MALRD1: variants seen among roughly 807,000 people sequenced by gnomAD.
The protein encoded by MALRD1 is MAM and LDL-receptor class A domain-containing protein 1.
In MALRD1, 247 loss-of-function variants were observed where a neutral mutation model predicts 242.1. The ratio of observed to expected loss-of-function variants is 1.02; its 90% confidence interval spans 0.92 to 1.13. The LOEUF (loss-of-function observed/expected upper bound fraction) is 1.13, where lower values mean the gene tolerates loss of function less well. Ranked by LOEUF, MALRD1 falls within the 50% of genes most tolerant of loss-of-function variation. MALRD1 has a pLI of 0.00. For missense variants in MALRD1, 2,989 were observed against 2,533.1 expected, an observed-to-expected ratio of 1.18 and a Z score of -3.86; for synonymous variants, 995 against 866.6, an observed-to-expected ratio of 1.15 and a Z score of -2.60.
At chr10:19,573,902 C>G (rs189084282) in intron 33 of MALRD1, among the ~76,000 whole-genome samples, 1 of 152,212 alleles carries the variant, frequency 6.6e-6, no homozygotes, top group Admixed American at 6.5e-5. Context: ...GGCACTTATT[C>G]CCCACCCACC....
intron 24 of MALRD1, among the ~76,000 whole-genome samples, chr10:19,338,060 C>CAAAA: frequency 7.2e-6 from 1 of 138,040 alleles, no homozygotes; most frequent in African/African-American, 2.7e-5. Flanking sequence ...GATTCTGTCT[C>CAAAA]AAAAAAAAAA....
rs571331711 is a variant in MALRD1 at position 19,224,642 on chromosome 10, G to A, written c.2991+14962G>A. On this transcript the variant is annotated intron_variant, in intron 18 of 39. Transcript: ENST00000454679. ...ATTGGCCGCATAAATGTCTTCTTTT[G>A]AGAAGTGTCTGTTCATATCCTTTTC... Among the ~76,000 whole-genome samples, 7 of 152,236 alleles carry A rather than the reference G, an allele frequency of 4.6e-5. 1 individual carries two copies. In the South Asian group the frequency reaches 1.2e-3, roughly 27 times the overall value.
At chr10:19,651,284 G>A (rs762445945) in intron 36 of MALRD1, among the ~76,000 whole-genome samples, 1 of 152,090 alleles carries the variant, frequency 6.6e-6, no homozygotes, top group Non-Finnish European at 1.5e-5. Context: ...AATATGTTGG[G>A]ATGTGCTATG....
At chr10:19,068,776 T>C (rs1209970264) in intron 2 of MALRD1, among the ~76,000 whole-genome samples, 2 of 152,118 alleles carry the variant, frequency 1.3e-5, no homozygotes. Context: ...ATTAACCAAA[T>C]TTTTGATTAA....
chr10:19,590,365 T>C (rs1393166533), intron 33 of MALRD1, among the ~76,000 whole-genome samples: 3 of 148,062 alleles, frequency 2.0e-5, no homozygotes, highest in Non-Finnish European at 4.5e-5. Context: ...TATATGTATA[T>C]GTCTATATAC....
At chr10:19,476,430 G>C (rs981718367) in intron 29 of MALRD1, among the ~76,000 whole-genome samples, 5 of 151,998 alleles carry the variant, frequency 3.3e-5, no homozygotes, top group African/African-American at 1.2e-4. Flanking sequence ...CTTGGCAAGG[G>C]GTGTGTCCAG....
chr10:19,731,719 G>A (rs1323521528), intron 39 of MALRD1, among the ~76,000 whole-genome samples: 1 of 152,056 alleles, frequency 6.6e-6, no homozygotes, highest in Non-Finnish European at 1.5e-5. Flanking sequence ...TGGATATAAA[G>A]TAAGTTTAGT....
At chr10:19,597,404 G>C (rs1838147652) in intron 34 of MALRD1, among the ~76,000 whole-genome samples, 3 of 152,136 alleles carry the variant, frequency 2.0e-5, no homozygotes, top group Non-Finnish European at 4.4e-5. Context: ...GTCCTGCGAA[G>C]TTCTGTTCCA....
intron 28 of MALRD1, among the ~76,000 whole-genome samples, chr10:19,420,496 A>T (rs893525531): frequency 6.6e-6 from 1 of 152,178 alleles, no homozygotes; most frequent in South Asian, 2.1e-4. Flanking sequence ...ACTATTCCCT[A>T]CATCTAATAT....
chr10:19,706,405 G>T (rs1436648158), intron 38 of MALRD1, among the ~76,000 whole-genome samples: 2 of 152,068 alleles, frequency 1.3e-5, no homozygotes, highest in African/African-American at 2.4e-5. Flanking sequence ...TCAGCTCACT[G>T]CAACCTCTGC....
intron 28 of MALRD1, among the ~76,000 whole-genome samples, chr10:19,430,546 A>G (rs1463319996): frequency 6.6e-6 from 1 of 151,798 alleles, no homozygotes; most frequent in African/African-American, 2.4e-5. Context: ...CCACTAAAGT[A>G]CTCTCCCTTT....
At chr10:19,282,958 AT>A (rs1840889031) in intron 20 of MALRD1, 60 bp from the exon 21 acceptor site, 1 of 1,255,732 alleles carries the variant, frequency 8.0e-7, no homozygotes, top group Non-Finnish European at 1.1e-6. Flanking sequence ...GCTGATTAAG[AT>A]TGTACAGATA....
In MALRD1 at chr10:19,246,271, A is replaced by G. The variant is rs117004968; in HGVS notation, c.2992-11413A>G. 7.9e-4 allele frequency among the ~76,000 whole-genome samples: 120 copies of G among 152,280 alleles called. 1 individual carries two copies. The highest frequency in any genetic ancestry group is 1.8e-3 in the African/African-American group (75 of 41,570). On this transcript the variant is annotated intron_variant, in intron 18 of 39. Transcript: ENST00000454679. ...ATATTTTGATAACCAGCTAGCATAA[A>G]TATTCAGACACATGTAGAGTTATAT...
At chr10:19,153,791 T>G (rs1220413959) in intron 11 of MALRD1, among the ~76,000 whole-genome samples, 1 of 152,204 alleles carries the variant, frequency 6.6e-6, no homozygotes, top group Non-Finnish European at 1.5e-5. Flanking sequence ...ACTTTTGTTG[T>G]CTAAACGATT....
chr10:19,175,170 G>C, intron 13 of MALRD1, 38 bp from the exon 14 acceptor site: 1 of 1,206,892 alleles, frequency 8.3e-7, no homozygotes. Context: ...TTACTTTTGT[G>C]ATGTGTTTTT....
At chr10:19,289,078 A>G (rs1299556118) in intron 21 of MALRD1, among the ~76,000 whole-genome samples, 1 of 151,588 alleles carries the variant, frequency 6.6e-6, no homozygotes, top group African/African-American at 2.4e-5. Context: ...TTTTTTCTTT[A>G]ATTTTTTTCC....
At chr10:19,176,094 G>A (rs1164323526) in intron 14 of MALRD1, among the ~76,000 whole-genome samples, 2 of 151,972 alleles carry the variant, frequency 1.3e-5, no homozygotes, top group African/African-American at 4.8e-5. Context: ...TATTAAAAAT[G>A]TTTTCTGAAA....
intron 36 of MALRD1, among the ~76,000 whole-genome samples, chr10:19,653,484 A>T (rs765453811): frequency 1.3e-5 from 2 of 152,116 alleles, no homozygotes; most frequent in Non-Finnish European, 2.9e-5. Flanking sequence ...GTTTCCTCAG[A>T]TCTAAATTGT....
At chr10:19,467,334 G>A (rs1441252514) in intron 29 of MALRD1, among the ~76,000 whole-genome samples, 4 of 123,822 alleles carry the variant, frequency 3.2e-5, no homozygotes, top group Non-Finnish European at 5.0e-5. Context: ...CAGCCTGGGC[G>A]ACAGAGTGAG....
Sources: allele counts gnomAD v4.1 joint callset (sites outside exome capture counted in the v4.1 genomes callset), GRCh38; gene constraint gnomAD v4.1.1; transcripts MANE v1.5; gene names NCBI Gene and HGNC (gene_info 2026-07-23, HGNC 2026-07-21).